The following UGGT2 variants were observed in gnomAD, a reference collection of about 807,000 sequenced individuals.
UGGT2 encodes the protein UDP-glucose glycoprotein glucosyltransferase 2.
A neutral mutation model predicts 192.1 loss-of-function variants in UGGT2; 180 were observed. The ratio of observed to expected loss-of-function variants is 0.94; its 90% CI spans 0.83 to 1.06. UGGT2 has a LOEUF of 1.06. Ranked by LOEUF, UGGT2 falls within the 50% of genes least tolerant of loss-of-function variation. The pLI is 0.00. For synonymous variants in UGGT2, 580 were observed against 591.0 expected (o/e 0.98, Z 0.27); for missense variants, 1,849 against 1,795.7 (o/e 1.03, Z -0.54).
intron 3 of UGGT2, 21 bp from the exon 4 acceptor site, chr13:96,023,173 T>C: frequency 6.5e-7 from 1 of 1,546,212 alleles, no homozygotes; most frequent in Non-Finnish European, 8.8e-7. Flanking sequence ...AAAGATTATA[T>C]TTAGCTACAG....
intron 29 of UGGT2, among the ~76,000 whole-genome samples, chr13:95,867,977 A>G (rs528391032): frequency 5.9e-5 from 9 of 151,934 alleles, no homozygotes; most frequent in Non-Finnish European, 1.2e-4. Context: ...TTTTTCTCCC[A>G]TTTTCAAAAT....
At chr13:95,931,497 C>T (rs1306130322) in intron 17 of UGGT2, among the ~76,000 whole-genome samples, 2 of 142,390 alleles carry the variant, frequency 1.4e-5, no homozygotes, top group East Asian at 2.4e-4. Context: ...GGGCAGCACT[C>T]GTCGGGGAGG....
chr13:95,979,847 A>G (rs1467240315), intron 10 of UGGT2, among the ~76,000 whole-genome samples: 2 of 152,174 alleles, frequency 1.3e-5, no homozygotes, highest in Non-Finnish European at 2.9e-5. Flanking sequence ...GAATTAGACA[A>G]TTCTCAAAAG....
At chr13:96,008,315 A>C (rs546694145) in intron 5 of UGGT2, among the ~76,000 whole-genome samples, 4 of 152,176 alleles carry the variant, frequency 2.6e-5, no homozygotes, top group Admixed American at 6.5e-5. Flanking sequence ...ATCAGAATAC[A>C]TAAGGAACTT....
At chr13:95,836,970 ACAG>A (rs920481727) in intron 37 of UGGT2, 113 bp downstream of exon 37, 1 of 865,200 alleles carries the variant, frequency 1.2e-6, no homozygotes, top group African/African-American at 1.7e-5. Context: ...AATAGACTGA[ACAG>A]CAGAAGAAGC....
At chr13:95,993,508 T>C (rs1276088706) in intron 7 of UGGT2, among the ~76,000 whole-genome samples, 1 of 152,204 alleles carries the variant, frequency 6.6e-6, no homozygotes, top group Non-Finnish European at 1.5e-5. Flanking sequence ...AAAAGAACTA[T>C]AAATTCCAAG....
chr13:95,842,037 A>C (rs1840170552), intron 36 of UGGT2, among the ~76,000 whole-genome samples: 1 of 152,180 alleles, frequency 6.6e-6, no homozygotes, highest in Non-Finnish European at 1.5e-5. Flanking sequence ...TATTCTAGTG[A>C]CCAATATGTG....
chr13:95,843,035 T>C (rs1888029452), intron 36 of UGGT2, among the ~76,000 whole-genome samples: 1 of 151,990 alleles, frequency 6.6e-6, no homozygotes, highest in Non-Finnish European at 1.5e-5. Context: ...TACAGGGGGG[T>C]TGTTTCTAGA....
At chr13:95,908,082 A>G (rs774832762) in intron 20 of UGGT2, among the ~76,000 whole-genome samples, 33 of 152,348 alleles carry the variant, frequency 2.2e-4, no homozygotes, top group Non-Finnish European at 4.7e-4. Flanking sequence ...AAACCATGGC[A>G]TGAGAACTTC....
chr13:95,954,125 G>A (rs1308681017), intron 12 of UGGT2, among the ~76,000 whole-genome samples: 1 of 152,106 alleles, frequency 6.6e-6, no homozygotes, highest in Non-Finnish European at 1.5e-5. Flanking sequence ...CACAAACTTA[G>A]TTTCATACAC....
At chr13:95,970,913 T>A (rs1377115373) in intron 11 of UGGT2, among the ~76,000 whole-genome samples, 1 of 152,200 alleles carries the variant, frequency 6.6e-6, no homozygotes, top group East Asian at 1.9e-4. Context: ...TGTTTTAATG[T>A]AGATATATAA....
In UGGT2 at chr13:95,890,953, G is replaced by A. The variant is rs186006407; in HGVS notation, c.2867C>T (p.Thr956Met). 1.2e-4 allele frequency: 186 copies of A among 1,609,568 alleles called. 1 individual carries two copies. Among genetic ancestry groups the A allele is most frequent in the Admixed American group, 9.9e-4 (59 of 59,558 alleles). ...GAACATATCATTCTCTTGAGGATTC[G>A]TCTTTATAACACTAAGAAAATAGAA... Reference protein sequence around the residue: ...FLRENHSVIKTNPQENDMFFN... With the variant: ...FLRENHSVIKMNPQENDMFFN... Residue 956 changes from threonine to methionine, a missense_variant, in exon 25 of 39, where the codon ACG (threonine) becomes ATG (methionine). Coordinates refer to ENST00000376747, the MANE Select transcript of UGGT2 (RefSeq NM_020121.4).
At chr13:95,888,275 A>G (rs2047702415) in intron 25 of UGGT2, among the ~76,000 whole-genome samples, 1 of 152,184 alleles carries the variant, frequency 6.6e-6, no homozygotes, top group Admixed American at 6.5e-5. Context: ...TTAGTATTGA[A>G]GAACAAGGAA....
At chr13:95,859,757 A>T in intron 32 of UGGT2, 82 bp from the exon 33 acceptor site, 1 of 1,046,448 alleles carries the variant, frequency 9.6e-7, no homozygotes, top group Non-Finnish European at 1.3e-6. Flanking sequence ...AGTGTTTTTT[A>T]AAATTTAATT....
rs750890059 is a variant in UGGT2, at chr13:95,925,815, T to TA, written c.2201-42dup. On this transcript the variant is annotated intron_variant, in intron 19 of 38. Coordinates refer to ENST00000376747, the MANE Select transcript of UGGT2 (RefSeq NM_020121.4). ...AGTTTACTCAAATTAACTTTTTTTTTAAAAAATAAAACAAAAGCAGGGGAA... is the reference window on the plus strand; with the variant it reads ...AGTTTACTCAAATTAACTTTTTTTTTAAAAAAATAAAACAAAAGCAGGGGAA... The TA allele has an allele frequency of 4.1e-5, 57 of 1,376,800 alleles. 1 individual carries two copies. Among genetic ancestry groups the TA allele is most frequent in the Non-Finnish European group, 5.1e-5 (52 of 1,015,952 alleles). The allele number at this position is 1,376,800 out of a possible 1,614,324, so 85.3% of individuals were successfully genotyped here.
chr13:95,878,427 T>C (rs533149900), intron 27 of UGGT2, among the ~76,000 whole-genome samples: 26 of 152,062 alleles, frequency 1.7e-4, no homozygotes, highest in South Asian at 6.2e-4. Flanking sequence ...TCTTCATAAA[T>C]TTTTTTTGTA....
At chr13:95,881,976 T>A (rs2140184280) in intron 27 of UGGT2, among the ~76,000 whole-genome samples, 1 of 151,952 alleles carries the variant, frequency 6.6e-6, no homozygotes, top group South Asian at 2.1e-4. Context: ...TGGCACAGTC[T>A]TGGCTCACTG....
intron 27 of UGGT2, among the ~76,000 whole-genome samples, chr13:95,882,727 C>A (rs937140147): frequency 6.6e-6 from 1 of 152,160 alleles, no homozygotes; most frequent in Non-Finnish European, 1.5e-5. Context: ...AGATTTGACA[C>A]TCACTACAAA....
chr13:95,985,273 G>A (rs775719463), intron 9 of UGGT2: 6 of 1,282,376 alleles, frequency 4.7e-6, no homozygotes, highest in African/African-American at 3.0e-5. Context: ...TATAAATGAC[G>A]ACTTCTCAAA....
Sources: allele counts gnomAD v4.1 joint callset (sites outside exome capture counted in the v4.1 genomes callset), GRCh38; gene constraint gnomAD v4.1.1; transcripts MANE v1.5; gene names NCBI Gene and HGNC (gene_info 2026-07-23, HGNC 2026-07-21).